Variants in APBB2 observed in about 807,000 individuals in gnomAD.
APBB2 encodes amyloid beta precursor protein binding family B member 2.
Under a neutral mutation model 82.5 loss-of-function variants are expected in APBB2, and 38 were observed. The ratio of observed to expected loss-of-function variants is 0.46; its 90% CI spans 0.36 to 0.60. The LOEUF is 0.60. Ranked by LOEUF, APBB2 falls within the 20% of genes least tolerant of loss-of-function variation. The pLI, the probability that APBB2 is intolerant of heterozygous loss-of-function variation, is 0.00. For synonymous variants in APBB2, 341 were observed against 368.2 expected, an observed-to-expected ratio of 0.93 and a Z score of 0.85; for missense variants, 772 against 972.3, an observed-to-expected ratio of 0.79 and a Z score of 2.74.
chr4:41,082,497 T>A (rs1158787954), intron 3 of APBB2, among the ~76,000 whole-genome samples: 7 of 152,168 alleles, frequency 4.6e-5, no homozygotes, highest in Admixed American at 4.6e-4. Context: ...TTAATTTGAA[T>A]TTATTTGAAT....
intron 5 of APBB2, among the ~76,000 whole-genome samples, chr4:41,016,386 G>T (rs1407563127): frequency 6.6e-6 from 1 of 152,204 alleles, no homozygotes; most frequent in Admixed American, 6.5e-5. Context: ...CCACAGCCGG[G>T]TGCGGTGGCT....
chr4:41,148,071 G>A (rs144175221), intron 1 of APBB2, among the ~76,000 whole-genome samples: 29 of 151,940 alleles, frequency 1.9e-4, no homozygotes, highest in African/African-American at 4.3e-4. Flanking sequence ...ATGAGGGTTC[G>A]TTAAAAAAAA....
At chr4:41,031,449 T>C (rs564927017) in intron 5 of APBB2, among the ~76,000 whole-genome samples, 1 of 152,164 alleles carries the variant, frequency 6.6e-6, no homozygotes, top group Non-Finnish European at 1.5e-5. Context: ...TCTTTCCCTG[T>C]AGAATGTGTT....
At chr4:40,980,278 C>T (rs1798149968) in intron 6 of APBB2, among the ~76,000 whole-genome samples, 1 of 152,224 alleles carries the variant, frequency 6.6e-6, no homozygotes, top group African/African-American at 2.4e-5. Flanking sequence ...CTCACCTTGG[C>T]CTCCCGAAGT....
At chr4:40,830,688 T>A in intron 12 of APBB2, 111 bp from the exon 13 acceptor site, 1 of 639,918 alleles carries the variant, frequency 1.6e-6, no homozygotes. Context: ...GTAAACAATG[T>A]ATGCAATGAT....
chr4:41,069,859 T>C (rs544602390), intron 3 of APBB2, among the ~76,000 whole-genome samples: 16 of 152,350 alleles, frequency 1.1e-4, no homozygotes, highest in African/African-American at 3.6e-4. Context: ...AGAAAATCTT[T>C]ATGAACTCAT....
chr4:41,122,745 A>AT (rs1401400381), intron 2 of APBB2, among the ~76,000 whole-genome samples: 1 of 152,150 alleles, frequency 6.6e-6, no homozygotes, highest in Admixed American at 6.6e-5. Flanking sequence ...AATTTCAGTG[A>AT]TTTTTTTAAA....
chr4:40,940,637 C>T lies in APBB2; in HGVS notation c.1044+4228G>A, dbSNP rs1444247874. Among the ~76,000 whole-genome samples, 8 of 152,176 alleles carry T rather than the reference C, an allele frequency of 5.3e-5. No homozygotes were observed. In the East Asian group the frequency reaches 5.8e-4, roughly 11 times the overall value. Reference sequence around the variant, plus strand: ...TCCTGGGGGGGTTAGGCTCTCATGACGCCCGTGAGGCTGTGAGCACTTCAT... The same window carrying T: ...TCCTGGGGGGGTTAGGCTCTCATGATGCCCGTGAGGCTGTGAGCACTTCAT... On this transcript the variant is annotated intron_variant, in intron 7 of 17. Coordinates refer to ENST00000508593, the MANE Select transcript of APBB2 (RefSeq NM_004307.2).
At chr4:41,058,013 T>C (rs1445590651) in intron 4 of APBB2, among the ~76,000 whole-genome samples, 1 of 152,108 alleles carries the variant, frequency 6.6e-6, no homozygotes, top group East Asian at 1.9e-4. Context: ...ATGTGGAGTA[T>C]AGGGAAGGGA....
At chr4:41,181,296 C>T (rs1771266985) in intron 1 of APBB2, among the ~76,000 whole-genome samples, 1 of 152,144 alleles carries the variant, frequency 6.6e-6, no homozygotes. Context: ...GCTACTCTTT[C>T]GGTTGCCTTT....
chr4:41,173,165 A>G (rs1035798505), intron 1 of APBB2, among the ~76,000 whole-genome samples: 8 of 152,240 alleles, frequency 5.3e-5, no homozygotes, highest in African/African-American at 1.7e-4. Flanking sequence ...AAAACATGAA[A>G]AACTCGCTTT....
chr4:40,961,667 TAAAAAAAAAAAAA>T (rs60942744), intron 6 of APBB2, among the ~76,000 whole-genome samples: 40 of 68,242 alleles, frequency 5.9e-4, no homozygotes, highest in African/African-American at 2.0e-3. Flanking sequence ...AAAAAAGATG[TAAAAAAAAAAAAA>T]AAAAAAAAAA....
intron 12 of APBB2, among the ~76,000 whole-genome samples, chr4:40,875,967 T>TA (rs1251986883): frequency 6.6e-6 from 1 of 152,248 alleles, no homozygotes; most frequent in Non-Finnish European, 1.5e-5. Context: ...AGGCTGTGTC[T>TA]AGGCAGCAGT....
intron 6 of APBB2, 123 bp downstream of exon 6, chr4:41,013,460 G>A (rs554984262): frequency 2.0e-5 from 18 of 917,054 alleles, no homozygotes; most frequent in South Asian, 8.5e-5. Flanking sequence ...CAATTTTACC[G>A]CAAGAGGCTC....
chr4:41,166,952 G>T lies in APBB2; in HGVS notation c.-416-23810C>A, dbSNP rs559134489. The stretch of plus-strand genomic sequence containing the variant: ...TGTTAACTGGACTCTGCAAGTGGTG[G>T]GTGACTGAACCTGCATTTTGGGGTT... On this transcript the variant is annotated intron_variant, in intron 1 of 17. Transcript: ENST00000508593. 2.0e-5 allele frequency among the ~76,000 whole-genome samples: 3 copies of T among 152,286 alleles called. No individual in the cohort carries two copies. The East Asian group carries it at 5.8e-4, about 29-fold the overall frequency.
rs1553930075 is a variant in APBB2 at position 40,832,013 on chromosome 4, TACACACACACAC to T, written c.1530-1448_1530-1437del. Among the ~76,000 whole-genome samples the T allele has an allele frequency of 1.7e-4, 24 of 138,886 alleles. No individual in the cohort carries two copies. Among genetic ancestry groups the T allele is most frequent in the African/African-American group, 4.6e-4 (17 of 37,020 alleles). 91.1% of individuals were successfully genotyped at this position (138,886 alleles called of 152,430 possible). On this transcript the variant is annotated intron_variant, in intron 12 of 17. Coordinates refer to ENST00000508593, the MANE Select transcript of APBB2 (RefSeq NM_004307.2). This position sits in a 1 kb window ranked among gnomAD's most constrained non-coding sequence, Gnocchi z 4.8. Reference sequence around the variant, plus strand: ...ACACATATTTATATATTTATTTATATACACACACACACACACACACACACACACACACACACA... The same window carrying T: ...ACACATATTTATATATTTATTTATATACACACACACACACACACACACACA...
chr4:40,927,355 C>T (rs1463615319), intron 10 of APBB2, among the ~76,000 whole-genome samples: 1 of 152,172 alleles, frequency 6.6e-6, no homozygotes, highest in Non-Finnish European at 1.5e-5. Flanking sequence ...AATGCCATCT[C>T]CACCAAGAAC....
At position 40,858,454 on chromosome 4, in the gene APBB2, C is replaced by CAAAAAAAAAAAAAA. The variant is rs34433911; in HGVS notation, c.1530-27891_1530-27878dup. Among the ~76,000 whole-genome samples, 126 of 57,712 alleles carry CAAAAAAAAAAAAAA rather than the reference C, an allele frequency of 2.2e-3. 8 individuals carry two copies. The highest frequency in any genetic ancestry group is 8.8e-3 in the African/African-American group (119 of 13,562). The allele number at this position is 57,712 out of a possible 152,430, so 37.9% of individuals were successfully genotyped here. ...TGAGTGACAGAGTGAGAGTCCGTCT[C>CAAAAAAAAAAAAAA]AAAAAAAAAAAAAAAAAAAAAAAAG... On this transcript the variant is annotated intron_variant, in intron 12 of 17. Transcript: ENST00000508593.
intron 1 of APBB2, among the ~76,000 whole-genome samples, chr4:41,154,815 C>G (rs1024819404): frequency 6.6e-6 from 1 of 152,200 alleles, no homozygotes; most frequent in African/African-American, 2.4e-5. Flanking sequence ...ATAAAACTTT[C>G]TCTCTCCAAC....
Sources: gnomAD v4.1 joint callset for allele counts (sites outside exome capture counted in the v4.1 genomes callset) on GRCh38, gnomAD v4.1.1 for gene constraint, Gnocchi (gnomAD v3.1) non-coding constraint, MANE v1.5 for transcripts, NCBI Gene and HGNC (gene_info 2026-07-23, HGNC 2026-07-21) for gene names.